The following SH2B3 variants were observed in gnomAD, a reference collection of about 807,000 sequenced individuals.
The protein encoded by SH2B3 is SH2B adaptor protein 3.
SH2B3 carries 43 observed loss-of-function variants against 51.9 expected under a neutral mutation model. The ratio of observed to expected loss-of-function variants is 0.83; its 90% confidence interval spans 0.65 to 1.07. SH2B3 has a LOEUF of 1.07. Among genes scored for constraint, SH2B3 ranks in the 50% least tolerant of loss-of-function variants. The pLI is 0.00. For synonymous variants in SH2B3, 396 were observed against 376.0 expected, an observed-to-expected ratio of 1.05 and a Z score of -0.62; for missense variants, 952 against 834.3, an observed-to-expected ratio of 1.14 and a Z score of -1.74.
At position 111,418,195 on chromosome 12, in the gene SH2B3, C is replaced by A. The variant is rs748515476; in HGVS notation, c.50C>A (p.Ala17Asp). 1 of 1,572,634 alleles carries A rather than the reference C, an allele frequency of 6.4e-7. No individual in the cohort carries two copies. The highest frequency in any genetic ancestry group is 8.5e-7 in the Non-Finnish European group (1 of 1,170,490). Residue 17 changes from alanine to aspartate, a missense_variant, in exon 2 of 8, where the codon GCC (alanine) becomes GAC (aspartate). By Grantham distance (126) the Ala-to-Asp change is moderately radical. Coordinates refer to ENST00000341259, the MANE Select transcript of SH2B3 (RefSeq NM_005475.3). The surrounding 1 kb of genome is among the most constrained non-coding windows in gnomAD (Gnocchi z 6.7). ...TCCTCGCCCTCTTCCGCGCCCTCAG[C>A]CTCCCCGGCGGCGGCCCCGCGGGGC... ...QPSSPSSAPS[A>D]SPAAAPRGWS...
At chr12:111,408,285 G>C (rs1399120367) in intron 1 of SH2B3, among the ~76,000 whole-genome samples, 1 of 152,106 alleles carries the variant, frequency 6.6e-6, no homozygotes, top group South Asian at 2.1e-4. Context: ...AACCATGAAT[G>C]AGTGAATTCA....
At chr12:111,433,482 T>C (rs1165770743) in intron 2 of SH2B3, among the ~76,000 whole-genome samples, 2 of 152,236 alleles carry the variant, frequency 1.3e-5, no homozygotes, top group African/African-American at 2.4e-5. Flanking sequence ...CCAATATTTG[T>C]TATTGTCTGT....
chr12:111,439,034 G>A (rs572471657), intron 2 of SH2B3, among the ~76,000 whole-genome samples: 19 of 152,164 alleles, frequency 1.2e-4, no homozygotes, highest in Non-Finnish European at 1.8e-4. Flanking sequence ...GTGCAGTGGC[G>A]CAATCTTGGC....
chr12:111,418,232 CTG>C lies in SH2B3; in HGVS notation c.90_91del (p.Cys30Ter). 1 of 1,578,326 alleles carries C rather than the reference CTG, an allele frequency of 6.3e-7. No homozygotes were observed. The highest frequency in any genetic ancestry group is 8.5e-7 in the Non-Finnish European group (1 of 1,171,526). The stretch of plus-strand genomic sequence containing the variant: ...CGGCCCCGCGGGGCTGGAGCGAGTT[CTG>C]TGAGTTGCACGCCGTAGCGGCGGCC... Reference protein sequence around the residue: ...AAAPRGWSEFCELHAVAAARE... With the variant: ...AAAPRGWSEFXELHAVAAARE... On this transcript the variant is annotated frameshift_variant, in exon 2 of 8. Transcript: ENST00000341259. LOFTEE classifies it high-confidence loss of function. The surrounding 1 kb of genome is among the most constrained non-coding windows in gnomAD (Gnocchi z 6.7).
intron 7 of SH2B3, 25 bp from the exon 8 acceptor site, chr12:111,447,958 G>C: frequency 6.4e-7 from 1 of 1,572,936 alleles, no homozygotes; most frequent in Non-Finnish European, 8.7e-7. Flanking sequence ...CTGATGGTGT[G>C]GTCTCTCTTG....
At position 111,418,694 on chromosome 12, in the gene SH2B3, G is replaced by A; in HGVS notation, c.549G>A (p.Leu183=). The A allele has an allele frequency of 6.7e-7, 1 of 1,488,860 alleles. No homozygotes were observed. Among genetic ancestry groups the A allele is most frequent in the Non-Finnish European group, 8.9e-7 (1 of 1,127,288 alleles). The allele number at this position is 1,488,860 out of a possible 1,614,324, so 92.2% of individuals were successfully genotyped here. The change falls in exon 2 of 8, where the codon CTG becomes CTA. Residue 183 remains leucine, a synonymous_variant. Coordinates refer to ENST00000341259, the MANE Select transcript of SH2B3 (RefSeq NM_005475.3). The surrounding 1 kb of genome is among the most constrained non-coding windows in gnomAD (Gnocchi z 6.7). ...PARPGLAKKF[L]PWSLAREPPP... ...GGCCTGGCCTGGCCAAGAAGTTCCT[G>A]CCCTGGAGCCTGGCCCGGGAGCCGC...
chr12:111,409,738 G>T lies in SH2B3; in HGVS notation c.-28+3461G>T, dbSNP rs1175468307. ...TCCTGAGGCCTGGCAGCAGGACCAG[G>T]CCACCACTGGACATCTGCTCAATGG... On this transcript the variant is annotated intron_variant, in intron 1 of 7. Transcript: ENST00000341259. This position sits in a 1 kb window ranked among gnomAD's most constrained non-coding sequence, Gnocchi z 4.0. Among the ~76,000 whole-genome samples the T allele has an allele frequency of 1.3e-5, 2 of 152,174 alleles. No individual in the cohort carries two copies. The highest frequency in any genetic ancestry group is 2.4e-5 in the African/African-American group (1 of 41,450).
chr12:111,433,632 A>G (rs912469738), intron 2 of SH2B3, among the ~76,000 whole-genome samples: 1 of 152,142 alleles, frequency 6.6e-6, no homozygotes, highest in Non-Finnish European at 1.5e-5. Context: ...GTGCAGAGGC[A>G]GCTCACTGCA....
At position 111,418,049 on chromosome 12, in the gene SH2B3, T is replaced by A; in HGVS notation, c.-27-70T>A. ...TGGATTTCTGCTGTGGTGCCCGGTG[T>A]GTAATGGGGCCTACACCTGCTTGCC... is the stretch of plus-strand genomic sequence containing the variant. On this transcript the variant is annotated intron_variant, in intron 1 of 7. Transcript: ENST00000341259. This position sits in a 1 kb window ranked among gnomAD's most constrained non-coding sequence, Gnocchi z 6.7. 8.5e-7 allele frequency: 1 copy of A among 1,173,032 alleles called. No homozygotes were observed. Among genetic ancestry groups the A allele is most frequent in the South Asian group, 1.6e-5 (1 of 62,170 alleles). 72.7% of individuals were successfully genotyped at this position (1,173,032 alleles called of 1,614,324 possible). A position where few individuals can be genotyped will look rare whatever the true frequency, so the allele number is the denominator to read the frequency against.
chr12:111,437,215 G>A (rs908128351), intron 2 of SH2B3, among the ~76,000 whole-genome samples: 1 of 152,210 alleles, frequency 6.6e-6, no homozygotes, highest in Admixed American at 6.5e-5. Flanking sequence ...GAGCACTTGG[G>A]TAGGGGCCTG....
chr12:111,418,360 A>C lies in SH2B3; in HGVS notation c.215A>C (p.Gln72Pro). ...TCGCTGCAGTTCACCGACCTCTTCC[A>C]GCGCTACTTCTGCCGCGAGGTGCGC... ...LVSLQFTDLF[Q>P]RYFCREVRDG... Residue 72 changes from glutamine (Q) to proline (P), a missense_variant, in exon 2 of 8, where the codon CAG (glutamine) becomes CCG (proline). Transcript: ENST00000341259. The surrounding 1 kb of genome is among the most constrained non-coding windows in gnomAD (Gnocchi z 6.7). The C allele has an allele frequency of 1.3e-6, 2 of 1,521,026 alleles. No homozygotes were observed. Among genetic ancestry groups the C allele is most frequent in the Non-Finnish European group, 1.8e-6 (2 of 1,140,114 alleles). The allele number at this position is 1,521,026 out of a possible 1,614,324, so 94.2% of individuals were successfully genotyped here. A position where few individuals can be genotyped will look rare whatever the true frequency, so the allele number is the denominator to read the frequency against.
In SH2B3 at chr12:111,447,547, A is replaced by ATGGGGTGGGGTGGGG. The variant is rs111340708; in HGVS notation, c.1236+14_1236+28dup. 5.1e-6 allele frequency: 3 copies of ATGGGGTGGGGTGGGG among 587,570 alleles called. 1 individual carries two copies. The highest frequency in any genetic ancestry group is 5.0e-5 in the East Asian group (2 of 39,768). 36.4% of individuals were successfully genotyped at this position (587,570 alleles called of 1,614,324 possible). A position where few individuals can be genotyped will look rare whatever the true frequency, so the allele number is the denominator to read the frequency against. On this transcript the variant is annotated splice_donor_region_variant and intron_variant, in intron 6 of 7. Transcript: ENST00000341259. ...TCAACTTTCAGGGGATAGCCAAGGTATGGGGTGGGGTGGGGTGGGGTGGGG... is the reference window on the plus strand; with the variant it reads ...TCAACTTTCAGGGGATAGCCAAGGTATGGGGTGGGGTGGGGTGGGGTGGGGTGGGGTGGGGTGGGG...
intron 1 of SH2B3, among the ~76,000 whole-genome samples, chr12:111,408,481 G>C (rs1386572152): frequency 7.2e-6 from 1 of 138,228 alleles, no homozygotes; most frequent in Non-Finnish European, 1.5e-5. Context: ...GTACAAATCA[G>C]ATCCCACAGG....
intron 2 of SH2B3, among the ~76,000 whole-genome samples, chr12:111,432,135 T>C (rs77353445): frequency 1.8e-4 from 26 of 142,316 alleles, no homozygotes; most frequent in Admixed American, 5.6e-4. Context: ...TTTTTTTTTT[T>C]CCACCTCCTA....
At chr12:111,446,908 G>C (rs1874027916) in intron 3 of SH2B3, 34 bp from the exon 4 acceptor site, 1 of 1,606,370 alleles carries the variant, frequency 6.2e-7, no homozygotes, top group African/African-American at 1.3e-5. Context: ...TACACATACA[G>C]CAGACCCAAC....
intron 2 of SH2B3, among the ~76,000 whole-genome samples, chr12:111,424,738 C>T (rs2135559482): frequency 1.3e-5 from 2 of 152,244 alleles, no homozygotes; most frequent in East Asian, 3.9e-4. Context: ...GAATCTGTGT[C>T]CAGGTGATGG....
chr12:111,428,978 G>C (rs901911268), intron 2 of SH2B3, among the ~76,000 whole-genome samples: 1 of 151,488 alleles, frequency 6.6e-6, no homozygotes, highest in Non-Finnish European at 1.5e-5. Flanking sequence ...AGGGACGTCC[G>C]CCGGAGGCCT....
At chr12:111,427,215 G>C (rs1218485399) in intron 2 of SH2B3, among the ~76,000 whole-genome samples, 1 of 151,738 alleles carries the variant, frequency 6.6e-6, no homozygotes, top group African/African-American at 2.4e-5. Flanking sequence ...GTGAAACCCA[G>C]TCTCTACTAA....
intron 2 of SH2B3, among the ~76,000 whole-genome samples, chr12:111,421,592 T>C (rs1871568093): frequency 6.6e-6 from 1 of 151,826 alleles, no homozygotes; most frequent in Non-Finnish European, 1.5e-5. Flanking sequence ...AATTTTTGTA[T>C]TTTTTGTGGA....
Sources: gnomAD v4.1 joint callset for allele counts (sites outside exome capture counted in the v4.1 genomes callset) on GRCh38, gnomAD v4.1.1 for gene constraint, Gnocchi (gnomAD v3.1) non-coding constraint, MANE v1.5 for transcripts, NCBI Gene and HGNC (gene_info 2026-07-23, HGNC 2026-07-21) for gene names.